The following UPK1B variants were observed in gnomAD, a reference collection of about 807,000 sequenced individuals.
UPK1B encodes the protein uroplakin 1B.
UPK1B carries 28 observed loss-of-function variants against 34.2 expected under a neutral mutation model. The observed-to-expected ratio is 0.82, with a 90% CI of 0.61 to 1.12. The LOEUF (loss-of-function observed/expected upper bound fraction) is 1.12, where lower values mean the gene tolerates loss of function less well. UPK1B is among the 50% of genes most tolerant of loss of function. The probability of loss-of-function intolerance (pLI) is 0.00; values close to 1 mark genes in which losing one functional copy is unlikely to be tolerated. For missense variants in UPK1B, 325 were observed against 320.9 expected (o/e 1.01, Z -0.10); for synonymous variants, 81 against 110.4 (o/e 0.73, Z 1.67).
At chr3:119,178,880 C>A (rs1465492581) in intron 1 of UPK1B, among the ~76,000 whole-genome samples, 3 of 152,166 alleles carry the variant, frequency 2.0e-5, no homozygotes, top group Non-Finnish European at 4.4e-5. Flanking sequence ...ATGTTTAATT[C>A]ATCTGATCCA....
chr3:119,181,991 G>A (rs2077991912), intron 1 of UPK1B, among the ~76,000 whole-genome samples: 1 of 152,236 alleles, frequency 6.6e-6, no homozygotes, highest in Admixed American at 6.5e-5. Context: ...CTTGCAGTGT[G>A]GGGCAGAGGC....
chr3:119,196,706 A>G (rs1337789088), intron 6 of UPK1B, among the ~76,000 whole-genome samples: 2 of 151,582 alleles, frequency 1.3e-5, no homozygotes, highest in African/African-American at 4.8e-5. Context: ...CACCCAGCTA[A>G]TTTTTGTATT....
intron 5 of UPK1B, among the ~76,000 whole-genome samples, chr3:119,191,545 A>C (rs930330179): frequency 6.6e-5 from 10 of 152,138 alleles, no homozygotes; most frequent in African/African-American, 2.4e-4. Context: ...CTCTGTATGC[A>C]AATTGTTATC....
chr3:119,188,099 G>C, intron 3 of UPK1B, 124 bp downstream of exon 3: 10 of 1,022,400 alleles, frequency 9.8e-6, no homozygotes, highest in Non-Finnish European at 1.5e-5. Flanking sequence ...GGGGTGAGGA[G>C]GGGAAGACTT....
chr3:119,196,674 G>A (rs2107436825), intron 6 of UPK1B, among the ~76,000 whole-genome samples: 1 of 151,614 alleles, frequency 6.6e-6, no homozygotes, highest in East Asian at 1.9e-4. Context: ...CAAGTAGCTG[G>A]GACTACAGGT....
chr3:119,177,891 C>T (rs1446528038), intron 1 of UPK1B, among the ~76,000 whole-genome samples: 1 of 152,138 alleles, frequency 6.6e-6, no homozygotes, highest in Non-Finnish European at 1.5e-5. Context: ...CCCTGGAGAG[C>T]TATTTGCTAT....
chr3:119,200,330 G>A (rs1380809987), intron 7 of UPK1B, among the ~76,000 whole-genome samples: 1 of 152,142 alleles, frequency 6.6e-6, no homozygotes, highest in African/African-American at 2.4e-5. Flanking sequence ...TGGGATTATG[G>A]CCATGAGCAC....
intron 1 of UPK1B, among the ~76,000 whole-genome samples, chr3:119,178,274 G>T (rs2077967084): frequency 1.3e-5 from 2 of 152,224 alleles, no homozygotes; most frequent in South Asian, 4.1e-4. Flanking sequence ...TTTCAGAAGG[G>T]AACAGGAGCA....
chr3:119,194,245 A>C lies in UPK1B; in HGVS notation c.495A>C (p.Pro165=). The change falls in exon 6 of 8, where the codon CCA becomes CCC. Residue 165 remains proline, a synonymous_variant. Transcript: ENST00000264234. ...LQDNCCGVNG[P]SDWQKYTSAF... ...ACAATTGCTGTGGCGTAAATGGTCC[A>C]TCAGACTGGCAAAAATACACATCTG... 3.1e-6 allele frequency: 5 copies of C among 1,614,098 alleles called. No homozygotes were observed. Among genetic ancestry groups the C allele is most frequent in the African/African-American group, 1.3e-5 (1 of 75,066 alleles).
chr3:119,183,268 T>G lies in UPK1B; in HGVS notation c.-28-3446T>G, dbSNP rs545435865. Among the ~76,000 whole-genome samples the G allele has an allele frequency of 1.5e-4, 22 of 145,130 alleles. No individual in the cohort carries two copies. In the South Asian group the frequency reaches 2.8e-3, roughly 18 times the overall value. On this transcript the variant is annotated intron_variant, in intron 1 of 7. Coordinates refer to ENST00000264234, the MANE Select transcript of UPK1B (RefSeq NM_006952.4). ...TAATCTCTCCAAGCTTCCCTTTTTTTTTGTTTTTTTTTTTTTTGGAGATGG... is the reference window on the plus strand; with the variant it reads ...TAATCTCTCCAAGCTTCCCTTTTTTGTTGTTTTTTTTTTTTTTGGAGATGG...
intron 1 of UPK1B, among the ~76,000 whole-genome samples, chr3:119,176,758 C>A (rs2077958799): frequency 6.6e-6 from 1 of 152,160 alleles, no homozygotes; most frequent in Admixed American, 6.5e-5. Flanking sequence ...CCCACCCCTG[C>A]CAGATAAGTA....
chr3:119,200,619 G>A (rs1576873238), intron 7 of UPK1B, among the ~76,000 whole-genome samples: 1 of 152,306 alleles, frequency 6.6e-6, no homozygotes. Flanking sequence ...ATTGCCACAT[G>A]GAAAATACCT....
Position 119,183,830 on chromosome 3 carries a change from G to A in UPK1B, c.-28-2884G>A, listed in dbSNP as rs929139063. Among the ~76,000 whole-genome samples the A allele has an allele frequency of 3.3e-5, 5 of 152,316 alleles. 1 individual carries two copies. In the South Asian group the frequency reaches 1.0e-3, roughly 32 times the overall value. Reference sequence around the variant, plus strand: ...ACATAGTGCCCAGAGCATTGTAAGTGCCCAATAAATGGCAGTTTTCATCAC... The same window carrying A: ...ACATAGTGCCCAGAGCATTGTAAGTACCCAATAAATGGCAGTTTTCATCAC... On this transcript the variant is annotated intron_variant, in intron 1 of 7. Transcript: ENST00000264234.
intron 6 of UPK1B, 46 bp from the exon 7 acceptor site, chr3:119,199,011 C>G (rs1393536798): frequency 1.2e-6 from 2 of 1,605,180 alleles, no homozygotes; most frequent in Non-Finnish European, 1.7e-6. Flanking sequence ...CTCTTCTCTG[C>G]TTTCTGGTTC....
At chr3:119,196,068 A>G (rs2078066250) in intron 6 of UPK1B, among the ~76,000 whole-genome samples, 1 of 152,118 alleles carries the variant, frequency 6.6e-6, no homozygotes, top group South Asian at 2.1e-4. Flanking sequence ...CAAATTCATC[A>G]TCACTCAGCC....
At chr3:119,189,059 G>C (rs750112332) in intron 3 of UPK1B, among the ~76,000 whole-genome samples, 63 of 152,268 alleles carry the variant, frequency 4.1e-4, no homozygotes, top group Non-Finnish European at 4.9e-4. Context: ...TTGCATCCCA[G>C]CCTCACTTTG....
At chr3:119,195,237 T>G (rs2078061405) in intron 6 of UPK1B, among the ~76,000 whole-genome samples, 1 of 152,230 alleles carries the variant, frequency 6.6e-6, no homozygotes, top group Non-Finnish European at 1.5e-5. Flanking sequence ...CCAAAAGCCC[T>G]GATGAGAACC....
At chr3:119,176,657 G>A (rs192801742) in intron 1 of UPK1B, among the ~76,000 whole-genome samples, 6 of 152,238 alleles carry the variant, frequency 3.9e-5, no homozygotes, top group East Asian at 3.9e-4. Context: ...AGTCTGGGGC[G>A]TTCCATCTCT....
chr3:119,195,706 G>T (rs2078063827), intron 6 of UPK1B, among the ~76,000 whole-genome samples: 1 of 152,196 alleles, frequency 6.6e-6, no homozygotes, highest in Non-Finnish European at 1.5e-5. Flanking sequence ...TGATTGGATT[G>T]TAATTGTGTA....
Sources: gnomAD v4.1 joint callset for allele counts (sites outside exome capture counted in the v4.1 genomes callset) on GRCh38, gnomAD v4.1.1 for gene constraint, MANE v1.5 for transcripts, NCBI Gene and HGNC (gene_info 2026-07-23, HGNC 2026-07-21) for gene names.